NFIC: variants seen among roughly 807,000 people sequenced by gnomAD.
The protein encoded by NFIC is nuclear factor 1 C-type.
In NFIC, 12 loss-of-function variants were observed where a neutral mutation model predicts 54.4. The observed-to-expected ratio is 0.22, with a 90% CI of 0.14 to 0.36. NFIC has a LOEUF of 0.36. NFIC is among the 10% of genes least tolerant of loss of function. The pLI, the probability that NFIC is intolerant of heterozygous loss-of-function variation, is 1.00. For missense variants in NFIC, 575 were observed against 718.2 expected (o/e 0.80, Z 2.28); for synonymous variants, 322 against 319.2 (o/e 1.01, Z -0.09).
At chr19:3,450,659 A>G (rs1339309658) in intron 7 of NFIC, among the ~76,000 whole-genome samples, 1 of 152,176 alleles carries the variant, frequency 6.6e-6, no homozygotes, top group Non-Finnish European at 1.5e-5. Context: ...CATCTCAAAA[A>G]AAAACAAAAC....
intron 3 of NFIC, 80 bp downstream of exon 3, chr19:3,425,257 G>A: frequency 6.8e-7 from 1 of 1,462,950 alleles, no homozygotes; most frequent in Non-Finnish European, 9.2e-7. Context: ...TCATTTGCTT[G>A]GCACCACTCG....
At chr19:3,433,958 A>G (rs571750536) in intron 4 of NFIC, among the ~76,000 whole-genome samples, 17 of 151,800 alleles carry the variant, frequency 1.1e-4, no homozygotes, top group South Asian at 6.2e-4. Flanking sequence ...TCCGTCACAC[A>G]CTGTCTGAAT....
chr19:3,411,996 C>T (rs563477748), intron 2 of NFIC, among the ~76,000 whole-genome samples: 21 of 152,184 alleles, frequency 1.4e-4, no homozygotes, highest in African/African-American at 4.1e-4. Flanking sequence ...GGGTGTCTAC[C>T]GGGCCAGGAG....
At chr19:3,365,645 A>G (rs1337818030), upstream of NFIC, among the ~76,000 whole-genome samples, 3 of 152,194 alleles carry the variant, frequency 2.0e-5, no homozygotes, top group Non-Finnish European at 4.4e-5. Context: ...GATCTGTGAA[A>G]AGGGCACACC....
At chr19:3,361,951 G>A (rs1234513788), upstream of NFIC, among the ~76,000 whole-genome samples, 1 of 152,174 alleles carries the variant, frequency 6.6e-6, no homozygotes, top group Non-Finnish European at 1.5e-5. Context: ...CCTGTCTAGA[G>A]ACAGACGTCA....
intron 2 of NFIC, among the ~76,000 whole-genome samples, chr19:3,395,377 T>A (rs2081445596): frequency 6.6e-6 from 1 of 151,804 alleles, no homozygotes; most frequent in African/African-American, 2.4e-5. Flanking sequence ...AGACTGGAGT[T>A]CAGTGGTGCA....
At chr19:3,432,437 G>C (rs567960293) in intron 3 of NFIC, among the ~76,000 whole-genome samples, 52 of 152,238 alleles carry the variant, frequency 3.4e-4, no homozygotes, top group Admixed American at 1.3e-3. Context: ...AGTCTGAAGG[G>C]GAGAAGAACA....
Position 3,369,377 on chromosome 19 carries a change from CCTCT to C in NFIC, c.30+2718_30+2721del, listed in dbSNP as rs935929494. ...CTATCTCTGCATGTGTCTCCTTACT[CCTCT>C]CTCTCTGTCTCTCTCTGTCTCTGGG... On this transcript the variant is annotated intron_variant, in intron 1 of 10. Coordinates refer to ENST00000443272, the MANE Select transcript of NFIC (RefSeq NM_001245002.2). This position sits in a 1 kb window ranked among gnomAD's most constrained non-coding sequence, Gnocchi z 4.3. 4.6e-5 allele frequency among the ~76,000 whole-genome samples: 7 copies of C among 152,040 alleles called. No individual in the cohort carries two copies. Among genetic ancestry groups the C allele is most frequent in the Non-Finnish European group, 8.8e-5 (6 of 67,986 alleles).
rs1195948402 is a variant in NFIC, at chr19:3,371,905, TTCCTTCC to T, written c.30+5241_30+5247del. Among the ~76,000 whole-genome samples, 94 of 127,250 alleles carry T rather than the reference TTCCTTCC, an allele frequency of 7.4e-4. 1 individual carries two copies. Among genetic ancestry groups the T allele is most frequent in the Middle Eastern group, 7.1e-3 (2 of 282 alleles). 83.5% of individuals were successfully genotyped at this position (127,250 alleles called of 152,430 possible). A position where few individuals can be genotyped will look rare whatever the true frequency, so the allele number is the denominator to read the frequency against. On this transcript the variant is annotated intron_variant, in intron 1 of 10. Coordinates refer to ENST00000443272, the MANE Select transcript of NFIC (RefSeq NM_001245002.2). ...TCTCCTTCCTTCCTTCCTTCCTTCC[TTCCTTCC>T]TTCCTTCCTTCCTTCCTTCCTTCCT...
At chr19:3,385,929 A>T (rs1411062578) in intron 2 of NFIC, among the ~76,000 whole-genome samples, 2 of 146,720 alleles carry the variant, frequency 1.4e-5, no homozygotes, top group African/African-American at 2.5e-5. Flanking sequence ...CTACTCTCGA[A>T]CTCCTGGGCT....
chr19:3,408,726 C>T (rs201249505), intron 2 of NFIC, among the ~76,000 whole-genome samples: 104 of 152,204 alleles, frequency 6.8e-4, no homozygotes, highest in African/African-American at 2.3e-3. Flanking sequence ...CTCAGCCTCC[C>T]GAGTAGCTGG....
chr19:3,365,320 A>G (rs1025691535), upstream of NFIC, among the ~76,000 whole-genome samples: 1 of 152,214 alleles, frequency 6.6e-6, no homozygotes, highest in Non-Finnish European at 1.5e-5. Context: ...TTTAGTGAAC[A>G]TTTGACCCAA....
chr19:3,463,519 G>T lies in NFIC; in HGVS notation c.*750G>T. 1.0e-6 allele frequency: 1 copy of T among 984,120 alleles called. No individual in the cohort carries two copies. The highest frequency in any genetic ancestry group is 1.2e-6 in the Non-Finnish European group (1 of 829,618). 61.0% of individuals were successfully genotyped at this position (984,120 alleles called of 1,614,324 possible). ...TGCCTGCCGCGGGGCCTCCCCACAAGCCCCTCCCAAAGCGCCGGCCGACTC... is the reference window on the plus strand; with the variant it reads ...TGCCTGCCGCGGGGCCTCCCCACAATCCCCTCCCAAAGCGCCGGCCGACTC... On this transcript the variant is annotated 3_prime_UTR_variant, in exon 11 of 11. Transcript: ENST00000443272.
intron 9 of NFIC, among the ~76,000 whole-genome samples, chr19:3,455,927 C>T (rs919478865): frequency 6.6e-6 from 1 of 152,110 alleles, no homozygotes. Context: ...GCCTCCAGCT[C>T]CCCCCAACCC....
intron 2 of NFIC, among the ~76,000 whole-genome samples, chr19:3,421,398 G>A (rs925739445): frequency 2.6e-5 from 4 of 152,196 alleles, no homozygotes; most frequent in Admixed American, 2.0e-4. Context: ...CATGGCCACC[G>A]GTGCCCAGCC....
intron 6 of NFIC, among the ~76,000 whole-genome samples, chr19:3,448,413 G>A (rs1316847945): frequency 6.6e-6 from 1 of 152,136 alleles, no homozygotes; most frequent in Non-Finnish European, 1.5e-5. Context: ...AAGGTGTGAG[G>A]GGCTGAGCTG....
In NFIC at chr19:3,385,202, C is replaced by A. The variant is rs1253389564; in HGVS notation, c.562+2959C>A. Among the ~76,000 whole-genome samples the A allele has an allele frequency of 2.4e-5, 3 of 122,556 alleles. No individual in the cohort carries two copies. The East Asian group carries it at 7.2e-4, about 29-fold the overall frequency. 80.4% of individuals were successfully genotyped at this position (122,556 alleles called of 152,430 possible). ...CCCCAATTGGCCCCAGCAGGGCACA[C>A]CCCCCCCCAACCCTCCCACCTGCCC... is the stretch of plus-strand genomic sequence containing the variant. On this transcript the variant is annotated intron_variant, in intron 2 of 10. Transcript: ENST00000443272.
At chr19:3,450,972 C>T (rs140808122) in intron 7 of NFIC, among the ~76,000 whole-genome samples, 11 of 152,318 alleles carry the variant, frequency 7.2e-5, no homozygotes, top group African/African-American at 2.6e-4. Flanking sequence ...TGAGTAATTA[C>T]AGCAGAGACC....
intron 1 of NFIC, among the ~76,000 whole-genome samples, chr19:3,367,747 G>A (rs740521): frequency 0.3 from 45,760 of 152,220 alleles, 8,599 homozygotes; most frequent in Non-Finnish European, 0.42. Flanking sequence ...GGCCGGTTCT[G>A]GAGAGGGGAC....
Sources: allele counts gnomAD v4.1 joint callset (sites outside exome capture counted in the v4.1 genomes callset), GRCh38; gene constraint gnomAD v4.1.1; non-coding constraint Gnocchi (gnomAD v3.1); transcripts MANE v1.5; gene names NCBI Gene and HGNC (gene_info 2026-07-23, HGNC 2026-07-21).